The following RASGRP1 variants were observed in gnomAD, a reference collection of about 807,000 sequenced individuals.
RASGRP1 encodes RAS guanyl releasing protein 1.
RASGRP1 carries 37 observed loss-of-function variants against 95.1 expected under a neutral mutation model. The ratio of observed to expected loss-of-function variants is 0.39; its 90% confidence interval spans 0.30 to 0.51. The LOEUF (loss-of-function observed/expected upper bound fraction) is 0.51. Ranked by LOEUF, RASGRP1 falls within the 20% of genes least tolerant of loss-of-function variation. The pLI is 0.80. For synonymous variants in RASGRP1, 325 were observed against 353.4 expected (o/e 0.92, Z 0.90); for missense variants, 711 against 965.4 (o/e 0.74, Z 3.49).
Position 38,494,623 on chromosome 15 carries a change from G to A in RASGRP1, c.2018C>T (p.Thr673Ile), listed in dbSNP as rs1337553249. 1.9e-6 allele frequency: 3 copies of A among 1,557,868 alleles called. No individual in the cohort carries two copies. Among genetic ancestry groups the A allele is most frequent in the Non-Finnish European group, 2.6e-6 (3 of 1,157,336 alleles). The change falls in exon 16 of 17, where the codon ACC (threonine) becomes ATC (isoleucine). Residue 673 changes from threonine to isoleucine, a missense_variant. Coordinates refer to ENST00000310803, the MANE Select transcript of RASGRP1 (RefSeq NM_005739.4). ...RLKRAVAHKA[T>I]QTESQPWIGS... is the part of the protein sequence containing the mutation. Reference sequence around the variant, plus strand: ...AATCCAAGGCTGTGATTCAGTCTGGGTGGCCTTGTGGGCAACAGCCCTCTT... The same window carrying A: ...AATCCAAGGCTGTGATTCAGTCTGGATGGCCTTGTGGGCAACAGCCCTCTT...
intron 3 of RASGRP1, chr15:38,524,374 C>T (rs1213592498): frequency 1.3e-5 from 2 of 152,252 alleles, no homozygotes; most frequent in African/African-American, 4.8e-5. Flanking sequence ...AAAACCAGGA[C>T]ATTACACCAT....
chr15:38,560,927 T>C (rs1312828158), intron 1 of RASGRP1, among the ~76,000 whole-genome samples: 1 of 152,194 alleles, frequency 6.6e-6, no homozygotes, highest in Non-Finnish European at 1.5e-5. Context: ...ACAAGTCATT[T>C]TGCGAAATGA....
At chr15:38,563,361 G>A (rs1031750150) in intron 1 of RASGRP1, among the ~76,000 whole-genome samples, 5 of 152,166 alleles carry the variant, frequency 3.3e-5, no homozygotes, top group African/African-American at 1.2e-4. Context: ...AAATTAACTT[G>A]AAGGTGTTTT....
Position 38,501,148 on chromosome 15 carries a change from C to T in RASGRP1, c.1678G>A (p.Gly560Arg), listed in dbSNP as rs1305470479. ...LKPTFCDNCA[G>R]FLWGVIKQGY... is the part of the protein sequence containing the mutation. ...GCACCCTAAGAACAACTTACAAATC[C>T]AGCACAGTTGTCACAAAAAGTGGGC... Residue 560 changes from glycine to arginine, a missense_variant, in exon 13 of 17, where the codon GGA becomes AGA. Gly to Arg is a moderately radical substitution (Grantham distance 125). Coordinates refer to ENST00000310803, the MANE Select transcript of RASGRP1 (RefSeq NM_005739.4). 1.3e-6 allele frequency: 2 copies of T among 1,599,972 alleles called. No homozygotes were observed. The highest frequency in any genetic ancestry group is 2.7e-5 in the African/African-American group (2 of 74,300).
intron 2 of RASGRP1, among the ~76,000 whole-genome samples, chr15:38,532,469 G>C (rs1248484845): frequency 2.0e-5 from 3 of 152,176 alleles, no homozygotes; most frequent in Non-Finnish European, 4.4e-5. Flanking sequence ...GGATTCTGGA[G>C]AGTCATCTGT....
At chr15:38,508,400 T>C (rs1337576378) in intron 8 of RASGRP1, among the ~76,000 whole-genome samples, 1 of 152,232 alleles carries the variant, frequency 6.6e-6, no homozygotes, top group Non-Finnish European at 1.5e-5. Context: ...TGGTGTCTTC[T>C]GAATGCTTCC....
intron 2 of RASGRP1, among the ~76,000 whole-genome samples, chr15:38,551,714 GA>G (rs1391986479): frequency 1.3e-5 from 2 of 151,376 alleles, no homozygotes; most frequent in African/African-American, 2.4e-5. Context: ...ATGAGAACAG[GA>G]AAAAAAATGC....
Position 38,494,639 on chromosome 15 carries a change from C to T in RASGRP1, c.2002G>A (p.Val668Ile). Residue 668 changes from valine (V) to isoleucine (I), a missense_variant, in exon 16 of 17, where the codon GTT (valine) becomes ATT (isoleucine). By Grantham distance (29) the Val-to-Ile change is conservative. Transcript: ENST00000310803. The stretch of plus-strand genomic sequence containing the variant: ...TCAGTCTGGGTGGCCTTGTGGGCAA[C>T]AGCCCTCTTCAGCCGAAGAGAAATC... Reference protein sequence around the residue: ...QKISLRLKRAVAHKATQTESQ... With the variant: ...QKISLRLKRAIAHKATQTESQ... 1.9e-6 allele frequency: 3 copies of T among 1,549,620 alleles called. No homozygotes were observed. The highest frequency in any genetic ancestry group is 1.7e-6 in the Non-Finnish European group (2 of 1,153,794).
chr15:38,526,184 T>C (rs1892213081), intron 3 of RASGRP1, 115 bp downstream of exon 3: 2 of 789,074 alleles, frequency 2.5e-6, no homozygotes, highest in Admixed American at 4.2e-5. Flanking sequence ...CATATGAACC[T>C]ATTTGCCACT....
chr15:38,488,182 CTG>C lies in RASGRP1; in HGVS notation c.*2370_*2371del. 1 of 152,106 alleles carries C rather than the reference CTG, an allele frequency of 6.6e-6. No individual in the cohort carries two copies. Among genetic ancestry groups the C allele is most frequent in the African/African-American group, 2.4e-5 (1 of 41,542 alleles). The allele number at this position is 152,106 out of a possible 1,614,324, so 9.4% of individuals were successfully genotyped here. On this transcript the variant is annotated 3_prime_UTR_variant, in exon 17 of 17. Coordinates refer to ENST00000310803, the MANE Select transcript of RASGRP1 (RefSeq NM_005739.4). Reference sequence around the variant, plus strand: ...ATTAGGTATCAAAAAACTTTACAATCTGTACATTTGTTTTTTTCTTGCATTTC... The same window carrying C: ...ATTAGGTATCAAAAAACTTTACAATCTACATTTGTTTTTTTCTTGCATTTC...
intron 16 of RASGRP1, among the ~76,000 whole-genome samples, chr15:38,491,163 G>C (rs771879785): frequency 3.9e-5 from 6 of 152,168 alleles, no homozygotes; most frequent in African/African-American, 7.2e-5. Context: ...CCTAAGTTGA[G>C]ATTTAGTGGT....
At chr15:38,525,267 C>T (rs1566925624) in intron 3 of RASGRP1, among the ~76,000 whole-genome samples, 2 of 152,286 alleles carry the variant, frequency 1.3e-5, no homozygotes, top group African/African-American at 2.4e-5. Context: ...TGTGCCCAGA[C>T]ACCCCAGGAA....
intron 7 of RASGRP1, among the ~76,000 whole-genome samples, chr15:38,512,334 A>T (rs145687877): frequency 3.3e-5 from 5 of 152,212 alleles, no homozygotes; most frequent in African/African-American, 1.2e-4. Flanking sequence ...ATGGGTTCAT[A>T]GTACTTGTTT....
chr15:38,537,364 A>AGG (rs1892694094), intron 2 of RASGRP1, among the ~76,000 whole-genome samples: 1 of 152,210 alleles, frequency 6.6e-6, no homozygotes, highest in Admixed American at 6.5e-5. Flanking sequence ...ATCATGGTAG[A>AGG]GGGTGAAAAA....
chr15:38,564,640 G>A lies in RASGRP1; in HGVS notation c.-12C>T. On this transcript the variant is annotated 5_prime_UTR_variant, in exon 1 of 17. Transcript: ENST00000310803. ...CCCAGGGTGCCCATGGCCGCGGCCCGCGCTCCCGGTGCCGGCTCACCTAGC... is the reference window on the plus strand; with the variant it reads ...CCCAGGGTGCCCATGGCCGCGGCCCACGCTCCCGGTGCCGGCTCACCTAGC... The A allele has an allele frequency of 7.5e-7, 1 of 1,330,250 alleles. No individual in the cohort carries two copies. The highest frequency in any genetic ancestry group is 2.2e-5 in the South Asian group (1 of 45,374). The allele number at this position is 1,330,250 out of a possible 1,614,324, so 82.4% of individuals were successfully genotyped here.
chr15:38,511,593 G>A lies in RASGRP1; in HGVS notation c.966+11C>T, dbSNP rs1419577011. 2 of 1,598,946 alleles carry A rather than the reference G, an allele frequency of 1.3e-6. No individual in the cohort carries two copies. The highest frequency in any genetic ancestry group is 2.2e-5 in the East Asian group (1 of 44,770). ...GCTGCTAAGGGCCCCAGAGAAGACA[G>A]TAGCACTGACCTTATTGATTTCATG... On this transcript the variant is annotated intron_variant, in intron 8 of 16. Coordinates refer to ENST00000310803, the MANE Select transcript of RASGRP1 (RefSeq NM_005739.4).
At chr15:38,501,943 C>T (rs527429068) in intron 12 of RASGRP1, among the ~76,000 whole-genome samples, 3 of 152,044 alleles carry the variant, frequency 2.0e-5, no homozygotes, top group South Asian at 4.1e-4. Context: ...CAACCTCCGC[C>T]TCCTGGGTTC....
At chr15:38,497,169 A>T (rs1890824598) in intron 15 of RASGRP1, among the ~76,000 whole-genome samples, 2 of 152,314 alleles carry the variant, frequency 1.3e-5, no homozygotes, top group South Asian at 4.1e-4. Context: ...TAGTTAGTCA[A>T]GGTGATCAGT....
At chr15:38,527,484 G>A (rs992755221) in intron 2 of RASGRP1, among the ~76,000 whole-genome samples, 4 of 152,118 alleles carry the variant, frequency 2.6e-5, no homozygotes, top group African/African-American at 9.7e-5. Flanking sequence ...AATGACTCCT[G>A]AGTGTTGATA....
Sources: allele counts gnomAD v4.1 joint callset (sites outside exome capture counted in the v4.1 genomes callset), GRCh38; gene constraint gnomAD v4.1.1; transcripts MANE v1.5; gene names NCBI Gene and HGNC (gene_info 2026-07-23, HGNC 2026-07-21).